Variants in TALDO1 observed in about 807,000 individuals in gnomAD.
TALDO1 encodes the protein transaldolase 1.
In TALDO1, 29 loss-of-function variants were observed where a neutral mutation model predicts 38.1. That is an observed-to-expected ratio of 0.76 (90% confidence interval 0.57 to 1.04). The LOEUF (loss-of-function observed/expected upper bound fraction) is 1.04. Ranked by LOEUF, TALDO1 falls within the 50% of genes least tolerant of loss-of-function variation. The probability of loss-of-function intolerance (pLI) is 0.00; values close to 1 mark genes in which losing one functional copy is unlikely to be tolerated. For missense variants in TALDO1, 499 were observed against 438.1 expected (o/e 1.14, Z -1.24); for synonymous variants, 207 against 176.8 (o/e 1.17, Z -1.36).
At chr11:754,263 G>T (rs7927798) in intron 1 of TALDO1, among the ~76,000 whole-genome samples, 1,894 of 152,216 alleles carry the variant, frequency 0.012, 41 homozygotes, top group African/African-American at 0.044. Flanking sequence ...GGGATTACAG[G>T]TGTGAGCCAC....
chr11:752,245 AT>A (rs757907105), intron 1 of TALDO1: 512 of 134,246 alleles, frequency 3.8e-3, no homozygotes, highest in Middle Eastern at 7.9e-3. Flanking sequence ...AATTTTTTGT[AT>A]TTTTTTTTTT....
intron 1 of TALDO1, among the ~76,000 whole-genome samples, chr11:749,278 T>A (rs1862710823): frequency 1.3e-5 from 2 of 151,750 alleles, no homozygotes; most frequent in South Asian, 4.2e-4. Context: ...TGTTGCATGC[T>A]TGTAATCCCA....
At chr11:756,064 TTCCC>T in intron 2 of TALDO1, 62 bp downstream of exon 2, 1 of 1,569,932 alleles carries the variant, frequency 6.4e-7, no homozygotes, top group East Asian at 2.3e-5. Flanking sequence ...TTGGCCTTGC[TTCCC>T]TCCCTAACTG....
At position 764,369 on chromosome 11, in the gene TALDO1, A is replaced by C. The variant is rs972931382; in HGVS notation, c.917A>C (p.Glu306Ala). Reference protein sequence around the residue: ...WLHNEDQMAVEKLSDGIRKFA... With the variant: ...WLHNEDQMAVAKLSDGIRKFA... ...CACAACGAGGACCAGATGGCTGTGGAGAAGCTCTCTGACGGGATCCGCAAG... is the reference window on the plus strand; with the variant it reads ...CACAACGAGGACCAGATGGCTGTGGCGAAGCTCTCTGACGGGATCCGCAAG... Residue 306 changes from glutamate (E) to alanine (A), a missense_variant, in exon 7 of 8, where the codon GAG (glutamate) becomes GCG (alanine). Transcript: ENST00000319006. The C allele has an allele frequency of 5.6e-6, 9 of 1,614,066 alleles. No homozygotes were observed. The highest frequency in any genetic ancestry group is 7.6e-6 in the Non-Finnish European group (9 of 1,180,014).
intron 5 of TALDO1, 33 bp downstream of exon 5, chr11:763,552 GAGCAGCCTCAGC>G: frequency 6.2e-7 from 1 of 1,612,950 alleles, no homozygotes; most frequent in Non-Finnish European, 8.5e-7. Flanking sequence ...GGGGTAAGGG[GAGCAGCCTCAGC>G]AGCACCTCAG....
chr11:758,695 C>T lies in TALDO1; in HGVS notation c.222-255C>T, dbSNP rs551420192. Among the ~76,000 whole-genome samples, 4 of 152,066 alleles carry T rather than the reference C, an allele frequency of 2.6e-5. No homozygotes were observed. In the South Asian group the frequency reaches 8.3e-4, roughly 32 times the overall value. On this transcript the variant is annotated intron_variant, in intron 2 of 7. Coordinates refer to ENST00000319006, the MANE Select transcript of TALDO1 (RefSeq NM_006755.2). The stretch of plus-strand genomic sequence containing the variant: ...TCTCTGCTCACTGCAAGCTCCACCT[C>T]CCAGGTTCACGTCATTCTCCTGCCT...
At chr11:764,645 CCT>C (rs1863016934) in intron 7 of TALDO1, among the ~76,000 whole-genome samples, 166 bp from the exon 8 acceptor site, 1 of 152,216 alleles carries the variant, frequency 6.6e-6, no homozygotes, top group African/African-American at 2.4e-5. Flanking sequence ...GGTCCTGGCT[CCT>C]CTCTGGCCTG....
At chr11:758,827 G>C in intron 2 of TALDO1, 123 bp from the exon 3 acceptor site, 2 of 659,480 alleles carry the variant, frequency 3.0e-6, no homozygotes, top group South Asian at 1.4e-5. Context: ...GGATGGTCTT[G>C]ATCTCCTGAC....
At chr11:756,293 G>T in intron 2 of TALDO1, 1 of 443,500 alleles carries the variant, frequency 2.3e-6, no homozygotes, top group Admixed American at 3.6e-5. Context: ...CTCCCCTCCT[G>T]TAGTCAGTCT....
At chr11:750,779 C>G (rs570412194) in intron 1 of TALDO1, among the ~76,000 whole-genome samples, 3 of 151,074 alleles carry the variant, frequency 2.0e-5, no homozygotes, top group South Asian at 2.1e-4. Flanking sequence ...GAGCCGAGAT[C>G]GCGCCACTGC....
rs1590069978 is a variant in TALDO1 at position 759,016 on chromosome 11, AAAG to A, written c.293_295del (p.Lys98del). 3 of 1,613,274 alleles carry A rather than the reference AAAG, an allele frequency of 1.9e-6. No individual in the cohort carries two copies. The highest frequency in any genetic ancestry group is 2.5e-6 in the Non-Finnish European group (3 of 1,179,442). ...TTGTGTTGTTTGGAGCAGAAATACT[AAAG>A]AAGATTCCGGGCCGAGTATCCACAG... On this transcript the variant is annotated inframe_deletion, in exon 3 of 8. Transcript: ENST00000319006.
Position 763,479 on chromosome 11 carries a change from A to T in TALDO1, c.597A>T (p.Ala199=). 1 of 1,613,494 alleles carries T rather than the reference A, an allele frequency of 6.2e-7. No individual in the cohort carries two copies. Among genetic ancestry groups the T allele is most frequent in the Non-Finnish European group, 8.5e-7 (1 of 1,179,870 alleles). The change falls in exon 5 of 8, where the codon GCA becomes GCT. Residue 199 remains alanine (A), a synonymous_variant. Transcript: ENST00000319006. ...GGCGCATCCTTGATTGGCATGTGGC[A>T]AACACCGACAAGAAATCCTATGAGC... ...FVGRILDWHV[A]NTDKKSYEPL... is the part of the protein sequence containing the mutation.
Position 763,477 on chromosome 11 carries a change from G to C in TALDO1, c.595G>C (p.Ala199Pro). Residue 199 changes from alanine (A) to proline (P), a missense_variant, in exon 5 of 8, where the codon GCA becomes CCA. Transcript: ENST00000319006. ...TGGGCGCATCCTTGATTGGCATGTG[G>C]CAAACACCGACAAGAAATCCTATGA... ...FVGRILDWHVANTDKKSYEPL... is the reference protein window; with the variant it reads ...FVGRILDWHVPNTDKKSYEPL... 1 of 1,613,558 alleles carries C rather than the reference G, an allele frequency of 6.2e-7. No homozygotes were observed. Among genetic ancestry groups the C allele is most frequent in the Non-Finnish European group, 8.5e-7 (1 of 1,179,900 alleles).
Position 755,696 on chromosome 11 carries a change from A to C in TALDO1, c.98-183A>C, listed in dbSNP as rs1205791495. The C allele has an allele frequency of 1.4e-5, 11 of 795,040 alleles. No individual in the cohort carries two copies. The East Asian group carries it at 2.7e-4, about 20-fold the overall frequency. The allele number at this position is 795,040 out of a possible 1,614,324, so 49.2% of individuals were successfully genotyped here. The stretch of plus-strand genomic sequence containing the variant: ...GTGTTTGTTGTTCCATCATTATGCA[A>C]ACAGCCGCCTCTTGATGAACCTTCA... On this transcript the variant is annotated intron_variant, in intron 1 of 7. Transcript: ENST00000319006.
chr11:754,309 T>C (rs1039407412), intron 1 of TALDO1, among the ~76,000 whole-genome samples: 3 of 151,982 alleles, frequency 2.0e-5, no homozygotes, highest in African/African-American at 7.3e-5. Context: ...TATGACTGGG[T>C]TGATTAAAGC....
chr11:764,171 G>A (rs1863008612), intron 6 of TALDO1, 117 bp from the exon 7 acceptor site: 1 of 1,570,874 alleles, frequency 6.4e-7, no homozygotes, highest in Non-Finnish European at 8.7e-7. Context: ...CCTTGCTGGG[G>A]CCAAGGCCTG....
chr11:764,048 C>G (rs1863007009), intron 6 of TALDO1, 104 bp downstream of exon 6: 1 of 1,447,156 alleles, frequency 6.9e-7, no homozygotes, highest in Non-Finnish European at 9.4e-7. Flanking sequence ...GCGAGCTCAT[C>G]TTGGGAGACA....
At chr11:763,553 A>G (rs376543847) in intron 5 of TALDO1, 34 bp downstream of exon 5, 573 of 1,611,472 alleles carry the variant, frequency 3.6e-4, no homozygotes, top group Non-Finnish European at 4.8e-4. Flanking sequence ...GGGTAAGGGG[A>G]GCAGCCTCAG....
At position 764,438 on chromosome 11, in the gene TALDO1, G is replaced by GTGT; in HGVS notation, c.981+9_981+11dup. The GTGT allele has an allele frequency of 6.2e-7, 1 of 1,609,582 alleles. No homozygotes were observed. The highest frequency in any genetic ancestry group is 8.5e-7 in the Non-Finnish European group (1 of 1,177,040). ...AAGCTGGAGCGGATGCTGACAGTGA[G>GTGT]TGTTGTGTGTGGGTACCTACATATG... On this transcript the variant is annotated splice_donor_region_variant and intron_variant, in intron 7 of 7. Transcript: ENST00000319006.
Sources: allele counts gnomAD v4.1 joint callset (sites outside exome capture counted in the v4.1 genomes callset), GRCh38; gene constraint gnomAD v4.1.1; transcripts MANE v1.5; gene names NCBI Gene and HGNC (gene_info 2026-07-23, HGNC 2026-07-21).